CSRNP3: variants seen among roughly 807,000 people sequenced by gnomAD.
The protein encoded by CSRNP3 is cysteine/serine-rich nuclear protein 3.
Under a neutral mutation model 48.0 loss-of-function variants are expected in CSRNP3, and 12 were observed. The ratio of observed to expected loss-of-function variants is 0.25; its 90% CI spans 0.16 to 0.41. The LOEUF (loss-of-function observed/expected upper bound fraction) is 0.41. CSRNP3 is among the 10% of genes least tolerant of loss of function. The pLI is 1.00. For synonymous variants in CSRNP3, 263 were observed against 269.7 expected, an observed-to-expected ratio of 0.98 and a Z score of 0.24; for missense variants, 580 against 724.4, an observed-to-expected ratio of 0.80 and a Z score of 2.29.
In CSRNP3 at chr2:165,679,660, G is replaced by A. The variant is rs537604087; in HGVS notation, c.1665G>A (p.Glu555=). ...SALNGDSHIS[E]HPAENSLSLA... ...TGAATGGTGACAGTCACATTTCAGAGCATCCTGCTGAAAATTCTTTGAGCC... is the reference window on the plus strand; with the variant it reads ...TGAATGGTGACAGTCACATTTCAGAACATCCTGCTGAAAATTCTTTGAGCC... The change falls in exon 7 of 7, where the codon GAG becomes GAA. Residue 555 remains glutamate (E), a synonymous_variant. Transcript: ENST00000651982. The A allele has an allele frequency of 3.7e-6, 6 of 1,614,116 alleles. No homozygotes were observed. In the South Asian group the frequency reaches 4.4e-5, roughly 12 times the overall value.
At chr2:165,524,270 C>A (rs766203262) in intron 3 of CSRNP3, among the ~76,000 whole-genome samples, 4 of 152,026 alleles carry the variant, frequency 2.6e-5, no homozygotes, top group African/African-American at 4.8e-5. Context: ...TAAAACAATT[C>A]TTTAACTACT....
At chr2:165,475,037 A>G (rs942933542) in intron 1 of CSRNP3, among the ~76,000 whole-genome samples, 2 of 152,194 alleles carry the variant, frequency 1.3e-5, no homozygotes. Flanking sequence ...CCCTGAATGT[A>G]TTTACAAAGA....
intron 3 of CSRNP3, among the ~76,000 whole-genome samples, chr2:165,533,977 A>G (rs1241996234): frequency 6.6e-6 from 1 of 152,062 alleles, no homozygotes; most frequent in African/African-American, 2.4e-5. Flanking sequence ...TTAATACAAC[A>G]TATAATGAAT....
intron 6 of CSRNP3, among the ~76,000 whole-genome samples, chr2:165,677,260 A>G (rs1687442143): frequency 6.6e-6 from 1 of 152,302 alleles, no homozygotes; most frequent in East Asian, 1.9e-4. Context: ...TTCTTTACAT[A>G]TTGCCTATGA....
intron 2 of CSRNP3, among the ~76,000 whole-genome samples, chr2:165,504,562 G>C (rs1684399303): frequency 6.6e-6 from 1 of 151,940 alleles, no homozygotes; most frequent in African/African-American, 2.4e-5. Context: ...TAACAAAACT[G>C]TTTTCAAAAT....
intron 3 of CSRNP3, chr2:165,574,289 T>C: frequency 1.6e-6 from 2 of 1,236,958 alleles, no homozygotes; most frequent in African/African-American, 1.5e-5. Context: ...ACAGGGCTGG[T>C]GGAAAGCTGG....
intron 5 of CSRNP3, among the ~76,000 whole-genome samples, chr2:165,665,374 C>T (rs913678163): frequency 2.0e-5 from 3 of 152,178 alleles, no homozygotes; most frequent in South Asian, 2.1e-4. Flanking sequence ...AATCAGATTA[C>T]ATTCCATTTT....
chr2:165,681,556 C>T lies in CSRNP3; in HGVS notation c.*1803C>T, dbSNP rs1225901842. ...TTCCACTGTGCAGTTGGTTTCTGCC[C>T]CTTCTCTTCCCCCCTACATTGGGCC... On this transcript the variant is annotated 3_prime_UTR_variant, in exon 7 of 7. Transcript: ENST00000651982. The T allele has an allele frequency of 6.6e-6, 1 of 151,146 alleles. No homozygotes were observed. Among genetic ancestry groups the T allele is most frequent in the East Asian group, 1.9e-4 (1 of 5,142 alleles). The allele number at this position is 151,146 out of a possible 1,614,324, so 9.4% of individuals were successfully genotyped here. A position where few individuals can be genotyped will look rare whatever the true frequency, so the allele number is the denominator to read the frequency against.
chr2:165,655,850 A>G (rs1213306260), intron 4 of CSRNP3, among the ~76,000 whole-genome samples: 1 of 152,098 alleles, frequency 6.6e-6, no homozygotes, highest in Non-Finnish European at 1.5e-5. Flanking sequence ...CTGTGTCCAA[A>G]TTTTAACTTT....
At chr2:165,662,922 C>T (rs1164696573) in intron 5 of CSRNP3, among the ~76,000 whole-genome samples, 1 of 151,786 alleles carries the variant, frequency 6.6e-6, no homozygotes, top group Non-Finnish European at 1.5e-5. Flanking sequence ...ACTTGCCCTC[C>T]TTCCCTCATT....
At chr2:165,494,953 G>A (rs1253785526) in intron 2 of CSRNP3, 25 bp downstream of exon 2, 1 of 153,050 alleles carries the variant, frequency 6.5e-6, no homozygotes, top group African/African-American at 2.4e-5. Flanking sequence ...CTCTGTTTCA[G>A]TTGTGCTCTA....
chr2:165,494,431 G>A (rs965867597), intron 1 of CSRNP3, among the ~76,000 whole-genome samples: 33 of 152,020 alleles, frequency 2.2e-4, no homozygotes, highest in Admixed American at 1.3e-3. Context: ...GACAACACAC[G>A]ATTTACTAGA....
intron 3 of CSRNP3, among the ~76,000 whole-genome samples, chr2:165,532,114 G>A (rs1051019717): frequency 1.4e-4 from 22 of 152,118 alleles, no homozygotes; most frequent in Non-Finnish European, 2.8e-4. Flanking sequence ...ATTCACAGCC[G>A]AATTCTACCA....
chr2:165,515,579 A>G (rs913886285), intron 2 of CSRNP3, among the ~76,000 whole-genome samples: 4 of 151,512 alleles, frequency 2.6e-5, no homozygotes, highest in Non-Finnish European at 5.9e-5. Context: ...GGCAGCTTGA[A>G]CGAAATAGCA....
chr2:165,571,451 T>TA (rs1321347364), intron 3 of CSRNP3, among the ~76,000 whole-genome samples: 2 of 151,812 alleles, frequency 1.3e-5, no homozygotes, highest in African/African-American at 2.4e-5. Context: ...TTTATATATT[T>TA]AAAAAAATTT....
intron 1 of CSRNP3, among the ~76,000 whole-genome samples, chr2:165,487,655 A>G (rs1684140309): frequency 6.9e-6 from 1 of 144,532 alleles, no homozygotes; most frequent in African/African-American, 2.6e-5. Flanking sequence ...ATTCTTAAAG[A>G]AAAGAATTTT....
intron 4 of CSRNP3, among the ~76,000 whole-genome samples, chr2:165,651,475 C>T (rs565485284): frequency 2.0e-5 from 3 of 152,246 alleles, no homozygotes; most frequent in African/African-American, 7.2e-5. Context: ...ACTTGCTTCC[C>T]TGGATGATAC....
intron 3 of CSRNP3, among the ~76,000 whole-genome samples, chr2:165,531,998 G>C (rs1684819064): frequency 6.6e-6 from 1 of 152,096 alleles, no homozygotes; most frequent in Admixed American, 6.6e-5. Context: ...ATCCTCCCAA[G>C]ACGAAACCAG....
At chr2:165,599,275 GAGAGAGAGAGAAAGAAAGAA>G (rs1368863709) in intron 4 of CSRNP3, among the ~76,000 whole-genome samples, 1 of 45,260 alleles carries the variant, frequency 2.2e-5, no homozygotes, top group African/African-American at 7.2e-5. Context: ...AAGAAAGAAA[GAGAGAGAGAGAAAGAAAGAA>G]AGAAAGAAAG....
Sources: allele counts gnomAD v4.1 joint callset (sites outside exome capture counted in the v4.1 genomes callset), GRCh38; gene constraint gnomAD v4.1.1; transcripts MANE v1.5; gene names NCBI Gene and HGNC (gene_info 2026-07-23, HGNC 2026-07-21).